The following TLN1 variants were observed in gnomAD, a reference collection of about 807,000 sequenced individuals.
The protein encoded by TLN1 is talin-1.
TLN1 carries 56 observed loss-of-function variants against 292.3 expected under a neutral mutation model. That is an observed-to-expected ratio of 0.19 (90% CI 0.15 to 0.24). The LOEUF is 0.24. Among genes scored for constraint, TLN1 ranks in the 10% least tolerant of loss-of-function variants. TLN1 has a pLI of 1.00. For missense variants in TLN1, 2,433 were observed against 3,248.2 expected, an observed-to-expected ratio of 0.75 and a Z score of 6.10; for synonymous variants, 1,119 against 1,253.7, an observed-to-expected ratio of 0.89 and a Z score of 2.27.
Position 35,707,058 on chromosome 9 carries a change from C to T in TLN1, c.4955+14G>A. ...TATGCCCCCCAGCCACACTGGTTCC[C>T]CATCCCTCAATACCTCATGCTTGTA... is the stretch of plus-strand genomic sequence containing the variant. On this transcript the variant is annotated intron_variant, in intron 37 of 56. Transcript: ENST00000314888. The surrounding 1 kb of genome is among the most constrained non-coding windows in gnomAD (Gnocchi z 5.6). The T allele has an allele frequency of 1.9e-6, 3 of 1,611,232 alleles. No homozygotes were observed. Among genetic ancestry groups the T allele is most frequent in the Non-Finnish European group, 2.5e-6 (3 of 1,179,242 alleles).
At position 35,717,360 on chromosome 9, in the gene TLN1, C is replaced by T; in HGVS notation, c.2244G>A (p.Glu748=). The change falls in exon 19 of 57, where the codon GAG becomes GAA. Residue 748 remains glutamate (E), a synonymous_variant. Transcript: ENST00000314888. The surrounding 1 kb of genome is among the most constrained non-coding windows in gnomAD (Gnocchi z 4.7). The stretch of plus-strand genomic sequence containing the variant: ...CTGCCTGGGAGGCAGACACACAGCC[C>T]TCCACGGCTTTGGCTACCAGTCGTC... ...EAGRLVAKAV[E]GCVSASQAAT... is the part of the protein sequence containing the mutation. 6.2e-7 allele frequency: 1 copy of T among 1,614,188 alleles called. No individual in the cohort carries two copies. The highest frequency in any genetic ancestry group is 8.5e-7 in the Non-Finnish European group (1 of 1,180,032).
Position 35,698,331 on chromosome 9 carries a change from G to A in TLN1, c.7363C>T (p.Arg2455Ter), listed in dbSNP as rs1419379866. Residue 2455 changes from arginine (R) to a stop codon, truncating the protein, a stop_gained, in exon 55 of 57, where the codon CGA becomes TGA. Transcript: ENST00000314888. LOFTEE classifies it high-confidence loss of function. This position sits in a 1 kb window ranked among gnomAD's most constrained non-coding sequence, Gnocchi z 5.3. The stretch of plus-strand genomic sequence containing the variant: ...TGGGTCAGGGTTCTCACCTGAAGTC[G>A]TTTCATTGCCTCCGAGTCCTGGTCA... ...KADQDSEAMKRLQAAGNAVKR... is the reference protein window; with the variant it reads ...KADQDSEAMK The A allele has an allele frequency of 6.2e-7, 1 of 1,614,082 alleles. No homozygotes were observed. Among genetic ancestry groups the A allele is most frequent in the South Asian group, 1.1e-5 (1 of 91,090 alleles).
Position 35,712,901 on chromosome 9 carries a change from G to T in TLN1, c.3495C>A (p.Leu1165=). 1 of 1,604,098 alleles carries T rather than the reference G, an allele frequency of 6.2e-7. No homozygotes were observed. Among genetic ancestry groups the T allele is most frequent in the East Asian group, 2.2e-5 (1 of 44,548 alleles). The change falls in exon 27 of 57, where the codon CTC becomes CTA. Residue 1165 remains leucine, a synonymous_variant. Coordinates refer to ENST00000314888, the MANE Select transcript of TLN1 (RefSeq NM_006289.4). ...ASDVLDKASS[L]IEEAKKAAGH... ...CAGCTGCCTTTTTCGCCTCCTCAAT[G>T]AGGCTGCTGGCCTTGTCCAGCACAT...
chr9:35,709,836 T>G (rs1182772053), intron 33 of TLN1, among the ~76,000 whole-genome samples: 3 of 124,466 alleles, frequency 2.4e-5, no homozygotes, highest in African/African-American at 9.7e-5. Flanking sequence ...GCAGTGAGTC[T>G]AGATCGCGCC....
chr9:35,717,488 G>C lies in TLN1; in HGVS notation c.2164-48C>G. On this transcript the variant is annotated intron_variant, in intron 18 of 56. Coordinates refer to ENST00000314888, the MANE Select transcript of TLN1 (RefSeq NM_006289.4). This position sits in a 1 kb window ranked among gnomAD's most constrained non-coding sequence, Gnocchi z 4.7. ...AGACGTAGGCAAGGGAAAGGAGGTA[G>C]AGTATGCTGCTCATAGCAGTAACTG... is the stretch of plus-strand genomic sequence containing the variant. 1.9e-6 allele frequency: 3 copies of C among 1,593,968 alleles called. No homozygotes were observed. The highest frequency in any genetic ancestry group is 2.6e-6 in the Non-Finnish European group (3 of 1,167,046).
chr9:35,722,982 G>C, intron 7 of TLN1, 61 bp from the exon 8 acceptor site: 1 of 1,477,824 alleles, frequency 6.8e-7, no homozygotes, highest in Non-Finnish European at 9.4e-7. Context: ...TGTGGGCCAT[G>C]AACTGTGGGC....
chr9:35,703,958 TTC>T, intron 46 of TLN1, 31 bp downstream of exon 46: 1 of 1,612,882 alleles, frequency 6.2e-7, no homozygotes, highest in Non-Finnish European at 8.5e-7. Context: ...CAGGAAGTGA[TTC>T]CAGCCGGAAT....
In TLN1 at chr9:35,717,846, T is replaced by C; in HGVS notation, c.1996-60A>G. ...TGGGCTTGGGATTCACAGACACTTC[T>C]CAGAGGCGTAAGCTGCTTCATTATT... On this transcript the variant is annotated intron_variant, in intron 17 of 56. Coordinates refer to ENST00000314888, the MANE Select transcript of TLN1 (RefSeq NM_006289.4). The surrounding 1 kb of genome is among the most constrained non-coding windows in gnomAD (Gnocchi z 4.7). 1.9e-6 allele frequency: 3 copies of C among 1,548,286 alleles called. No individual in the cohort carries two copies. The highest frequency in any genetic ancestry group is 1.8e-6 in the Non-Finnish European group (2 of 1,137,618).
rs887428932 is a variant in TLN1, at chr9:35,703,683, G to A, written c.6358-7C>T. Reference sequence around the variant, plus strand: ...TCACATTGGTCACCATCACCTGGAGGTATCAGAGGAGTGAAGAGGAATGAT... The same window carrying A: ...TCACATTGGTCACCATCACCTGGAGATATCAGAGGAGTGAAGAGGAATGAT... On this transcript the variant is annotated splice_region_variant and splice_polypyrimidine_tract_variant and intron_variant, in intron 47 of 56. Transcript: ENST00000314888. 3.1e-6 allele frequency: 5 copies of A among 1,614,168 alleles called. No homozygotes were observed. The African/African-American group carries it at 5.3e-5, about 17-fold the overall frequency.
chr9:35,701,328 G>C (rs1825463884), intron 48 of TLN1, among the ~76,000 whole-genome samples: 1 of 152,210 alleles, frequency 6.6e-6, no homozygotes, highest in South Asian at 2.1e-4. Flanking sequence ...CCAGGCTGGA[G>C]TGCACTGGAG....
In TLN1 at chr9:35,713,080, T is replaced by G. The variant is rs758274085; in HGVS notation, c.3353-37A>C. The G allele has an allele frequency of 8.2e-6, 13 of 1,578,278 alleles. No homozygotes were observed. The South Asian group carries it at 1.5e-4, about 18-fold the overall frequency. On this transcript the variant is annotated intron_variant, in intron 26 of 56. Transcript: ENST00000314888. ...AGGAGAAAGAGGGAAGGGAAGGTGC[T>G]TTCATTGCCAGGCCCTGATTCCAGT...
chr9:35,714,794 G>T lies in TLN1; in HGVS notation c.2837C>A (p.Ala946Asp). 6.3e-7 allele frequency: 1 copy of T among 1,584,026 alleles called. No individual in the cohort carries two copies. The part of the protein sequence containing the change: ...QHAASTPKAS[A>D]GPQPLLVQSC... ...CTGCACCAGCAGGGGCTGGGGGCCG[G>T]CAGAGGCCTTGGGGGTAGAGGCTGC... The change falls in exon 22 of 57, where the codon GCC becomes GAC. Residue 946 changes from alanine to aspartate, a missense_variant. This residue lies in a region of TLN1 where 617 missense variants were observed against 770.6 expected (regional missense o/e 0.80). Transcript: ENST00000314888. This position sits in a 1 kb window ranked among gnomAD's most constrained non-coding sequence, Gnocchi z 4.6.
At chr9:35,726,200 G>A (rs1261891137) in intron 1 of TLN1, among the ~76,000 whole-genome samples, 1 of 152,172 alleles carries the variant, frequency 6.6e-6, no homozygotes, top group Non-Finnish European at 1.5e-5. Flanking sequence ...GAGCCACCAC[G>A]CCCGGCCAAG....
rs187551402 is a variant in TLN1, at chr9:35,717,847, C to T, written c.1996-61G>A. 5.2e-6 allele frequency: 8 copies of T among 1,546,878 alleles called. No individual in the cohort carries two copies. The East Asian group carries it at 1.8e-4, about 35-fold the overall frequency. On this transcript the variant is annotated intron_variant, in intron 17 of 56. Transcript: ENST00000314888. This position sits in a 1 kb window ranked among gnomAD's most constrained non-coding sequence, Gnocchi z 4.7. ...GGGCTTGGGATTCACAGACACTTCTCAGAGGCGTAAGCTGCTTCATTATTC... is the reference window on the plus strand; with the variant it reads ...GGGCTTGGGATTCACAGACACTTCTTAGAGGCGTAAGCTGCTTCATTATTC...
chr9:35,717,497 G>GGGATA lies in TLN1; in HGVS notation c.2164-58_2164-57insTATCC. The GGGATA allele has an allele frequency of 6.3e-7, 1 of 1,584,234 alleles. No homozygotes were observed. The highest frequency in any genetic ancestry group is 8.6e-7 in the Non-Finnish European group (1 of 1,160,602). On this transcript the variant is annotated intron_variant, in intron 18 of 56. Transcript: ENST00000314888. This position sits in a 1 kb window ranked among gnomAD's most constrained non-coding sequence, Gnocchi z 4.7. ...CAAGGGAAAGGAGGTAGAGTATGCT[G>GGGATA]CTCATAGCAGTAACTGGGATGGGTG...
Position 35,704,939 on chromosome 9 carries a change from G to T in TLN1, c.5734-124C>A. ...ATTGTAGACTAAAGAAGCAGAGAGA[G>T]AAGGTTCCCAGCACAAGGACGTTTC... On this transcript the variant is annotated intron_variant, in intron 43 of 56. Transcript: ENST00000314888. This position sits in a 1 kb window ranked among gnomAD's most constrained non-coding sequence, Gnocchi z 6.9. 1.7e-6 allele frequency: 2 copies of T among 1,211,146 alleles called. No individual in the cohort carries two copies. The highest frequency in any genetic ancestry group is 1.1e-6 in the Non-Finnish European group (1 of 877,116). 75.0% of individuals were successfully genotyped at this position (1,211,146 alleles called of 1,614,324 possible).
intron 1 of TLN1, among the ~76,000 whole-genome samples, chr9:35,729,365 A>G (rs1175944146): frequency 6.6e-6 from 1 of 152,182 alleles, no homozygotes; most frequent in Non-Finnish European, 1.5e-5. Context: ...GCATTCAGGG[A>G]AGTGAGCAGG....
Position 35,704,303 on chromosome 9 carries a change from G to A in TLN1, c.6047+29C>T. 6.2e-7 allele frequency: 1 copy of A among 1,605,738 alleles called. No homozygotes were observed. Among genetic ancestry groups the A allele is most frequent in the Non-Finnish European group, 8.5e-7 (1 of 1,175,114 alleles). On this transcript the variant is annotated intron_variant, in intron 45 of 56. Transcript: ENST00000314888. The surrounding 1 kb of genome is among the most constrained non-coding windows in gnomAD (Gnocchi z 6.9). ...TCCAGCCCCGTGCCCCGACCTGTCT[G>A]CCTCCCTTAGGCCCAGTTCCTGTCT...
At chr9:35,721,056 C>A in intron 10 of TLN1, 143 bp from the exon 11 acceptor site, 1 of 601,630 alleles carries the variant, frequency 1.7e-6, no homozygotes, top group Non-Finnish European at 2.9e-6. Flanking sequence ...CTTTCTTGAA[C>A]CTCCTCTTTA....
Sources: allele counts gnomAD v4.1 joint callset (sites outside exome capture counted in the v4.1 genomes callset), GRCh38; gene constraint gnomAD v4.1.1; regional missense constraint gnomAD v4.1.1; non-coding constraint Gnocchi (gnomAD v3.1); transcripts MANE v1.5; gene names NCBI Gene and HGNC (gene_info 2026-07-23, HGNC 2026-07-21).